Variants in SETD2 observed in about 807,000 individuals in gnomAD.
SETD2 encodes the protein histone-lysine N-methyltransferase SETD2.
In SETD2, 31 loss-of-function variants were observed where a neutral mutation model predicts 242.1. That is an observed-to-expected ratio of 0.13 (90% CI 0.10 to 0.17). SETD2 has a LOEUF of 0.17. SETD2 is among the 10% of genes least tolerant of loss of function. The probability of loss-of-function intolerance (pLI) is 1.00; values close to 1 mark genes in which losing one functional copy is unlikely to be tolerated. For missense variants in SETD2, 2,481 were observed against 3,046.3 expected, an observed-to-expected ratio of 0.81 and a Z score of 4.37; for synonymous variants, 1,006 against 1,066.5, an observed-to-expected ratio of 0.94 and a Z score of 1.11.
chr3:47,088,245 C>T lies in SETD2; in HGVS notation c.5145G>A (p.Val1715=), dbSNP rs2107651907. The T allele has an allele frequency of 6.2e-7, 1 of 1,601,148 alleles. No homozygotes were observed. The highest frequency in any genetic ancestry group is 8.5e-7 in the Non-Finnish European group (1 of 1,176,574). The change falls in exon 10 of 21, where the codon GTG becomes GTA. Residue 1715 remains valine, a splice_region_variant and synonymous_variant. Transcript: ENST00000409792. ...CCATCAGAGCTTCTAGCTCTCCATC[C>T]ACCTACCACAGCAAATAAAAATACC... is the stretch of plus-strand genomic sequence containing the variant. ...KKERSRKKDS[V]DGELEALMEN... is the part of the protein sequence containing the mutation.
Position 47,091,491 on chromosome 3 carries a change from G to A in SETD2, c.5143-3244C>T, listed in dbSNP as rs148716764. Among the ~76,000 whole-genome samples the A allele has an allele frequency of 5.2e-3, 787 of 152,014 alleles. 1 individual carries two copies. Among genetic ancestry groups the A allele is most frequent in the Non-Finnish European group, 8.3e-3 (567 of 67,964 alleles). On this transcript the variant is annotated intron_variant, in intron 9 of 20. Transcript: ENST00000409792. ...AAAATACAAAAATTAGGCCAGGCAC[G>A]GTGGCTCACGCCTGTAATCCCAGCA...
rs1440735409 is a variant in SETD2 at position 47,086,218 on chromosome 3, T to C, written c.5374A>G (p.Ser1792Gly). The C allele has an allele frequency of 6.2e-7, 1 of 1,613,164 alleles. No homozygotes were observed. ...ACCTCTTCCTGAAGCTTCTGGTTAC[T>C]TTCCCGGCCGTCACCTAGCTCTGCC... ...WMAELGDGRE[S>G]NQKLQEEIIK... Residue 1792 changes from serine (S) to glycine (G), a missense_variant, in exon 11 of 21, where the codon AGT becomes GGT. Transcript: ENST00000409792.
chr3:47,046,697 C>T (rs757949918), intron 15 of SETD2, 76 bp from the exon 16 acceptor site: 1 of 1,385,218 alleles, frequency 7.2e-7, no homozygotes, highest in Non-Finnish European at 9.8e-7. Flanking sequence ...CAAGTTGGCA[C>T]AATCTTAAAG....
chr3:47,124,027 T>C lies in SETD2; in HGVS notation c.609A>G (p.Ser203=). ...CTGGCTCTGTTACTGGTGCTGGTGA[T>C]GAGAGTGTTGTGGCTTGGGCAGGTG... ...PPPPAQATTL[S]SPAPVTEPVA... The change falls in exon 3 of 21, where the codon TCA becomes TCG. Residue 203 remains serine, a synonymous_variant. Transcript: ENST00000409792. 6.4e-7 allele frequency: 1 copy of C among 1,552,164 alleles called. No individual in the cohort carries two copies. Among genetic ancestry groups the C allele is most frequent in the East Asian group, 2.4e-5 (1 of 40,920 alleles).
intron 12 of SETD2, among the ~76,000 whole-genome samples, chr3:47,072,994 G>GA (rs1310788778): frequency 6.7e-6 from 1 of 148,540 alleles, no homozygotes; most frequent in Non-Finnish European, 1.5e-5. Flanking sequence ...AAGGAAAAAT[G>GA]AAAAAATTAC....
chr3:47,123,835 T>C lies in SETD2; in HGVS notation c.801A>G (p.Val267=). The C allele has an allele frequency of 1.3e-6, 2 of 1,548,900 alleles. No homozygotes were observed. Among genetic ancestry groups the C allele is most frequent in the Non-Finnish European group, 1.7e-6 (2 of 1,144,992 alleles). The part of the protein sequence containing the change: ...DTISNSLEEH[V]TQILNEQADI... ...CTGCTTGCTCATTCAATATTTGAGT[T>C]ACGTGTTCTTCTAAACTATTAGATA... The change falls in exon 3 of 21, where the codon GTA becomes GTG. Residue 267 remains valine (V), a synonymous_variant. Transcript: ENST00000409792.
chr3:47,158,622 T>A (rs1697388461), intron 1 of SETD2, among the ~76,000 whole-genome samples: 2 of 152,232 alleles, frequency 1.3e-5, no homozygotes, highest in Admixed American at 6.5e-5. Flanking sequence ...ATAATACACA[T>A]AACATACAAC....
At position 47,017,571 on chromosome 3, in the gene SETD2, GCTT is replaced by G; in HGVS notation, c.7533+64_7533+66del. On this transcript the variant is annotated intron_variant, in intron 20 of 20. Coordinates refer to ENST00000409792, the MANE Select transcript of SETD2 (RefSeq NM_014159.7). This position sits in a 1 kb window ranked among gnomAD's most constrained non-coding sequence, Gnocchi z 4.8. ...AAAAATACTTTCTATGATGAAAAGGGCTTCTTAGAAGGTACACAGTTTGCCCAG... is the reference window on the plus strand; with the variant it reads ...AAAAATACTTTCTATGATGAAAAGGGCTTAGAAGGTACACAGTTTGCCCAG... 1 of 1,133,152 alleles carries G rather than the reference GCTT, an allele frequency of 8.8e-7. No homozygotes were observed. The allele number at this position is 1,133,152 out of a possible 1,614,324, so 70.2% of individuals were successfully genotyped here.
Position 47,067,071 on chromosome 3 carries a change from T to C in SETD2, c.6108A>G (p.Thr2036=), listed in dbSNP as rs2107600171. The change falls in exon 13 of 21, where the codon ACA becomes ACG. Residue 2036 remains threonine, a splice_region_variant and synonymous_variant. Transcript: ENST00000409792. ...CACAGAGTATCTCTGAATACCTACT[T>C]GTGTTTTCCTTTTCAGTTTGACTTT... The part of the protein sequence containing the change: ...PKKSQTEKEN[T]TTERGRDAVG... 1 of 1,607,336 alleles carries C rather than the reference T, an allele frequency of 6.2e-7. No individual in the cohort carries two copies.
Position 47,106,140 on chromosome 3 carries a change from A to G in SETD2, c.4716-20T>C. The G allele has an allele frequency of 1.2e-6, 2 of 1,606,536 alleles. No homozygotes were observed. Among genetic ancestry groups the G allele is most frequent in the Non-Finnish European group, 1.7e-6 (2 of 1,175,018 alleles). ...GTGTTCCTGCAAACCAAAAGGAAAA[A>G]AATAGCACTTCCTACCTAGGAGCAG... is the stretch of plus-strand genomic sequence containing the variant. On this transcript the variant is annotated intron_variant, in intron 5 of 20. Coordinates refer to ENST00000409792, the MANE Select transcript of SETD2 (RefSeq NM_014159.7).
At chr3:47,053,819 T>C (rs2039949623) in intron 15 of SETD2, among the ~76,000 whole-genome samples, 2 of 152,182 alleles carry the variant, frequency 1.3e-5, no homozygotes, top group Non-Finnish European at 2.9e-5. Flanking sequence ...AGCCCATTAA[T>C]GTCAATAATC....
intron 7 of SETD2, among the ~76,000 whole-genome samples, chr3:47,102,198 A>G (rs1304350233): frequency 6.6e-6 from 1 of 152,234 alleles, no homozygotes; most frequent in Non-Finnish European, 1.5e-5. Flanking sequence ...CAATTTGCAC[A>G]TGTTACTAAT....
chr3:47,033,350 T>G (rs2038860507), intron 18 of SETD2, among the ~76,000 whole-genome samples: 1 of 152,208 alleles, frequency 6.6e-6, no homozygotes, highest in Admixed American at 6.5e-5. Context: ...GTTTCTTCTA[T>G]GCTCCCAGGA....
At chr3:47,138,266 C>T in intron 1 of SETD2, 1 of 297,520 alleles carries the variant, frequency 3.4e-6, no homozygotes, top group South Asian at 2.8e-5. Flanking sequence ...GCCACCGCGC[C>T]CGGCCCACTT....
intron 9 of SETD2, among the ~76,000 whole-genome samples, chr3:47,097,268 T>C (rs1462007948): frequency 6.6e-6 from 1 of 152,216 alleles, no homozygotes; most frequent in African/African-American, 2.4e-5. Flanking sequence ...TCCAGCCAGC[T>C]GGTTCTAAAG....
intron 14 of SETD2, among the ~76,000 whole-genome samples, chr3:47,058,308 G>GT (rs1396735514): frequency 6.6e-6 from 1 of 151,832 alleles, no homozygotes; most frequent in Non-Finnish European, 1.5e-5. Context: ...GGGCCTGGTG[G>GT]TGTGTGCCTG....
intron 8 of SETD2, 118 bp from the exon 9 acceptor site, chr3:47,098,199 C>T (rs2042079852): frequency 2.1e-6 from 2 of 969,178 alleles, no homozygotes; most frequent in Admixed American, 6.0e-5. Context: ...AAAACCATAA[C>T]TTGAAGAGAT....
intron 1 of SETD2, among the ~76,000 whole-genome samples, chr3:47,156,106 A>G (rs2044121331): frequency 6.6e-6 from 1 of 152,198 alleles, no homozygotes; most frequent in Admixed American, 6.5e-5. Flanking sequence ...AGAGCCACGT[A>G]ATAGATTTAT....
At chr3:47,075,112 C>T (rs1277494263) in intron 12 of SETD2, among the ~76,000 whole-genome samples, 2 of 144,890 alleles carry the variant, frequency 1.4e-5, no homozygotes, top group African/African-American at 5.1e-5. Context: ...CCAGCCTGGG[C>T]GACAGAGCGA....
Sources: allele counts gnomAD v4.1 joint callset (sites outside exome capture counted in the v4.1 genomes callset), GRCh38; gene constraint gnomAD v4.1.1; non-coding constraint Gnocchi (gnomAD v3.1); transcripts MANE v1.5; gene names NCBI Gene and HGNC (gene_info 2026-07-23, HGNC 2026-07-21).